ARID1B: variants seen among roughly 807,000 people sequenced by gnomAD.
The protein encoded by ARID1B is AT-rich interaction domain 1B.
In ARID1B, 30 loss-of-function variants were observed where a neutral mutation model predicts 212.3. That is an observed-to-expected ratio of 0.14 (90% CI 0.11 to 0.19). The LOEUF is 0.19. ARID1B is among the 10% of genes least tolerant of loss of function. The pLI, the probability that ARID1B is intolerant of heterozygous loss-of-function variation, is 1.00. For synonymous variants in ARID1B, 1,402 were observed against 1,301.7 expected (o/e 1.08, Z -1.66); for missense variants, 2,891 against 3,204.0 (o/e 0.90, Z 2.36).
rs930412516 is a variant in ARID1B at position 157,201,172 on chromosome 6, A to G, written c.4947A>G (p.Ser1649=). Residue 1649 remains serine, a synonymous_variant, in exon 18 of 20, where the codon TCA becomes TCG. Coordinates refer to ENST00000636930, the MANE Select transcript of ARID1B (RefSeq NM_001374828.1). This position sits in a 1 kb window ranked among gnomAD's most constrained non-coding sequence, Gnocchi z 5.2. ...VSQRQPYMSS[S]ASMQPITRPP... The stretch of plus-strand genomic sequence containing the variant: ...AGCGTCAGCCTTATATGTCGTCCTC[A>G]GCCTCCATGCAGCCCATCACACGCC... The G allele has an allele frequency of 1.2e-6, 2 of 1,613,956 alleles. No homozygotes were observed. The highest frequency in any genetic ancestry group is 2.7e-5 in the African/African-American group (2 of 74,930).
intron 2 of ARID1B, among the ~76,000 whole-genome samples, chr6:156,853,810 C>G (rs892096667): frequency 3.9e-5 from 6 of 152,156 alleles, no homozygotes; most frequent in Admixed American, 2.6e-4. Flanking sequence ...GACCACGGCT[C>G]ACTGCAGCCT....
At chr6:156,839,923 G>A (rs1783776778) in intron 2 of ARID1B, among the ~76,000 whole-genome samples, 1 of 152,204 alleles carries the variant, frequency 6.6e-6, no homozygotes, top group Non-Finnish European at 1.5e-5. Flanking sequence ...AAGAATTTAA[G>A]TCACGTGAAT....
chr6:156,972,413 T>G (rs1021964322), intron 4 of ARID1B, among the ~76,000 whole-genome samples: 4 of 152,252 alleles, frequency 2.6e-5, no homozygotes, highest in African/African-American at 9.6e-5. Context: ...TCCCTTCCCC[T>G]GTGCCCACAG....
chr6:157,072,983 G>C (rs1433729602), intron 4 of ARID1B, among the ~76,000 whole-genome samples: 1 of 152,078 alleles, frequency 6.6e-6, no homozygotes. Flanking sequence ...AGTGCCAAAG[G>C]CCATTTGCTT....
chr6:156,913,776 T>C (rs1790111015), intron 3 of ARID1B, among the ~76,000 whole-genome samples: 1 of 136,916 alleles, frequency 7.3e-6, no homozygotes. Flanking sequence ...CCCATTCCAC[T>C]CTCCACTCCC....
intron 2 of ARID1B, among the ~76,000 whole-genome samples, chr6:156,875,287 A>C (rs1304583907): frequency 2.6e-4 from 40 of 152,244 alleles, no homozygotes; most frequent in Admixed American, 2.6e-3. Flanking sequence ...TGTGCATTGC[A>C]TGATCAACTT....
At chr6:157,060,314 A>G (rs1251167867) in intron 4 of ARID1B, among the ~76,000 whole-genome samples, 1 of 152,258 alleles carries the variant, frequency 6.6e-6, no homozygotes, top group Non-Finnish European at 1.5e-5. Context: ...AATAGGGTAT[A>G]GTAGACATGT....
Position 156,779,478 on chromosome 6 carries a change from C to T in ARID1B, c.1791+7C>T. On this transcript the variant is annotated splice_region_variant and intron_variant, in intron 1 of 19. Coordinates refer to ENST00000636930, the MANE Select transcript of ARID1B (RefSeq NM_001374828.1). ...GACCATGGGCAGATCCCAGGTAACCCTCGCGCCAGCCGGGCCTGCTTCCGC... is the reference window on the plus strand; with the variant it reads ...GACCATGGGCAGATCCCAGGTAACCTTCGCGCCAGCCGGGCCTGCTTCCGC... The T allele has an allele frequency of 7.3e-7, 1 of 1,377,664 alleles. No homozygotes were observed. 85.3% of individuals were successfully genotyped at this position (1,377,664 alleles called of 1,614,324 possible). A position where few individuals can be genotyped will look rare whatever the true frequency, so the allele number is the denominator to read the frequency against.
At chr6:156,963,488 G>A (rs918922389) in intron 4 of ARID1B, among the ~76,000 whole-genome samples, 1 of 152,144 alleles carries the variant, frequency 6.6e-6, no homozygotes, top group African/African-American at 2.4e-5. Context: ...CATTTTAAAT[G>A]ATTGCATAGT....
intron 5 of ARID1B, among the ~76,000 whole-genome samples, chr6:157,102,356 C>T (rs1349220187): frequency 6.6e-6 from 1 of 152,166 alleles, no homozygotes; most frequent in African/African-American, 2.4e-5. Context: ...AATCATTTAT[C>T]TAAACATTTA....
chr6:156,977,029 G>A (rs983843554), intron 4 of ARID1B: 49 of 446,270 alleles, frequency 1.1e-4, no homozygotes, highest in Non-Finnish European at 1.8e-4. Context: ...AAGGAAGCAA[G>A]ATGAAAACAC....
At chr6:157,113,554 A>C (rs780185308) in intron 6 of ARID1B, among the ~76,000 whole-genome samples, 1 of 152,150 alleles carries the variant, frequency 6.6e-6, no homozygotes, top group African/African-American at 2.4e-5. Flanking sequence ...AGGTGCTACA[A>C]ACTTTTAAAC....
At chr6:157,091,136 G>C (rs939766635) in intron 5 of ARID1B, among the ~76,000 whole-genome samples, 1 of 152,166 alleles carries the variant, frequency 6.6e-6, no homozygotes, top group Non-Finnish European at 1.5e-5. Flanking sequence ...ACGCCACAAA[G>C]CACCAATTCC....
At chr6:156,991,611 C>T (rs558994191) in intron 4 of ARID1B, among the ~76,000 whole-genome samples, 1 of 152,142 alleles carries the variant, frequency 6.6e-6, no homozygotes, top group Non-Finnish European at 1.5e-5. Context: ...AAAGTTCATA[C>T]TTATATCTTT....
intron 8 of ARID1B, chr6:157,150,064 A>AT (rs771373291): frequency 2.0e-4 from 31 of 152,334 alleles, no homozygotes; most frequent in Non-Finnish European, 3.5e-4. Flanking sequence ...TTTAGGGAAT[A>AT]TTTTTGTAAA....
chr6:157,197,141 G>A (rs1226995898), intron 16 of ARID1B, among the ~76,000 whole-genome samples: 1 of 152,176 alleles, frequency 6.6e-6, no homozygotes. Context: ...TCCCCTTGTT[G>A]GGTATGTTCT....
chr6:157,093,194 G>A (rs1048224073), intron 5 of ARID1B, among the ~76,000 whole-genome samples: 6 of 152,184 alleles, frequency 3.9e-5, no homozygotes, highest in Non-Finnish European at 5.9e-5. Context: ...GGAAAATGGT[G>A]GGTAAATGAA....
chr6:157,017,405 T>TTTTG (rs141536933), intron 4 of ARID1B, among the ~76,000 whole-genome samples: 1 of 152,212 alleles, frequency 6.6e-6, no homozygotes, highest in Non-Finnish European at 1.5e-5. Flanking sequence ...AAGATGTTCT[T>TTTTG]TTTGTTTGTT....
chr6:156,799,325 C>G (rs1184333371), intron 1 of ARID1B, among the ~76,000 whole-genome samples: 1 of 152,240 alleles, frequency 6.6e-6, no homozygotes, highest in Non-Finnish European at 1.5e-5. Flanking sequence ...AGTTTGCACT[C>G]AGGCATTCTG....
Sources: allele counts gnomAD v4.1 joint callset (sites outside exome capture counted in the v4.1 genomes callset), GRCh38; gene constraint gnomAD v4.1.1; non-coding constraint Gnocchi (gnomAD v3.1); transcripts MANE v1.5; gene names NCBI Gene and HGNC (gene_info 2026-07-23, HGNC 2026-07-21).